The following ANKHD1 variants were observed in gnomAD, a reference collection of about 807,000 sequenced individuals.
ANKHD1 encodes the protein ankyrin repeat and KH domain-containing protein 1.
ANKHD1 carries 31 observed loss-of-function variants against 230.5 expected under a neutral mutation model. That is an observed-to-expected ratio of 0.13 (90% CI 0.10 to 0.18). ANKHD1 has a LOEUF of 0.18. ANKHD1 is among the 10% of genes least tolerant of loss of function. The pLI is 1.00. For synonymous variants in ANKHD1, 1,074 were observed against 1,117.6 expected (o/e 0.96, Z 0.78); for missense variants, 2,256 against 3,071.3 (o/e 0.73, Z 6.27).
chr5:140,525,314 G>A (rs1182526368), intron 25 of ANKHD1, among the ~76,000 whole-genome samples: 1 of 151,898 alleles, frequency 6.6e-6, no homozygotes, highest in Admixed American at 6.6e-5. Context: ...CCAGGCTGGA[G>A]TGCAGTGGTG....
intron 14 of ANKHD1, 65 bp from the exon 15 acceptor site, chr5:140,496,455 T>TC: frequency 8.9e-7 from 1 of 1,121,202 alleles, no homozygotes; most frequent in East Asian, 3.5e-5. Context: ...TTTTTTTTTT[T>TC]CTTTTCTTTT....
intron 1 of ANKHD1, among the ~76,000 whole-genome samples, chr5:140,415,962 G>A (rs984979401): frequency 4.0e-5 from 6 of 151,690 alleles, no homozygotes; most frequent in African/African-American, 1.2e-4. Context: ...GACAGGCCCC[G>A]GTGTGTGATG....
At chr5:140,427,094 C>T (rs539342292) in intron 1 of ANKHD1, among the ~76,000 whole-genome samples, 28 of 151,788 alleles carry the variant, frequency 1.8e-4, no homozygotes, top group Admixed American at 1.2e-3. Context: ...TAGGGGCAGC[C>T]GGGCAGAGGC....
In ANKHD1 at chr5:140,539,448, T is replaced by G. The variant is rs1561846384; in HGVS notation, c.*30T>G. On this transcript the variant is annotated 3_prime_UTR_variant, in exon 34 of 34. Transcript: ENST00000360839. ...GAAGGTCTTTACTCTTTAGCCTTGT[T>G]TAAGAAACCTATGACCTTGGAAGAA... 6.2e-7 allele frequency: 1 copy of G among 1,604,488 alleles called. No individual in the cohort carries two copies. Among genetic ancestry groups the G allele is most frequent in the African/African-American group, 1.3e-5 (1 of 74,500 alleles).
intron 10 of ANKHD1, among the ~76,000 whole-genome samples, chr5:140,481,492 T>A (rs1751272747): frequency 6.6e-6 from 1 of 152,072 alleles, no homozygotes; most frequent in Admixed American, 6.5e-5. Context: ...GATTTTTTTT[T>A]AAACCTATTT....
chr5:140,487,089 TG>T lies in ANKHD1; in HGVS notation c.2245+32del, dbSNP rs1206448706. 17 of 1,596,544 alleles carry T rather than the reference TG, an allele frequency of 1.1e-5. No individual in the cohort carries two copies. The Admixed American group carries it at 3.0e-4, about 28-fold the overall frequency. ...AGTTATTGAATTATTTTTCTTAAAATGGGTATTTTTTCACCTAATTGATAAA... is the reference window on the plus strand; with the variant it reads ...AGTTATTGAATTATTTTTCTTAAAATGGTATTTTTTCACCTAATTGATAAA... On this transcript the variant is annotated intron_variant, in intron 14 of 33. Coordinates refer to ENST00000360839, the MANE Select transcript of ANKHD1 (RefSeq NM_017747.3).
Position 140,483,450 on chromosome 5 carries a change from A to T in ANKHD1, c.1870+783A>T, listed in dbSNP as rs984510197. 5.6e-4 allele frequency among the ~76,000 whole-genome samples: 72 copies of T among 128,478 alleles called. 1 individual carries two copies. The East Asian group carries it at 9.7e-3, about 17-fold the overall frequency. The allele number at this position is 128,478 out of a possible 152,430, so 84.3% of individuals were successfully genotyped here. ...CATTAAAAATGCAGGGTAAGATTTT[A>T]TCTTTTTTTTTTTTTTTTTTTTTTG... is the stretch of plus-strand genomic sequence containing the variant. On this transcript the variant is annotated intron_variant, in intron 11 of 33. Transcript: ENST00000360839.
chr5:140,482,798 A>G, intron 11 of ANKHD1, 131 bp downstream of exon 11: 3 of 949,448 alleles, frequency 3.2e-6, no homozygotes, highest in Middle Eastern at 2.3e-4. Flanking sequence ...TTGTTATTAT[A>G]TTTTATTTAG....
At position 140,535,326 on chromosome 5, in the gene ANKHD1, T is replaced by G. The variant is rs780151910; in HGVS notation, c.6851-36T>G. 2.0e-6 allele frequency: 3 copies of G among 1,531,926 alleles called. No individual in the cohort carries two copies. In the Admixed American group the frequency reaches 6.8e-5, roughly 35 times the overall value. The allele number at this position is 1,531,926 out of a possible 1,614,324, so 94.9% of individuals were successfully genotyped here. A position where few individuals can be genotyped will look rare whatever the true frequency, so the allele number is the denominator to read the frequency against. On this transcript the variant is annotated intron_variant, in intron 29 of 33. Coordinates refer to ENST00000360839, the MANE Select transcript of ANKHD1 (RefSeq NM_017747.3). ...TCTTGGGCTTTCAATTTTAAAGTTT[T>G]AGCTAATTGGATGTCTTGGACCTGT...
intron 10 of ANKHD1, 92 bp downstream of exon 10, chr5:140,464,868 G>T (rs1322075691): frequency 1.5e-6 from 2 of 1,290,560 alleles, no homozygotes; most frequent in African/African-American, 1.5e-5. Flanking sequence ...AATGGTTTGC[G>T]TACTTTGTAT....
intron 10 of ANKHD1, among the ~76,000 whole-genome samples, chr5:140,470,273 T>C (rs1776393826): frequency 6.6e-6 from 1 of 152,078 alleles, no homozygotes; most frequent in Non-Finnish European, 1.5e-5. Flanking sequence ...TGAGAAACAG[T>C]GAATACTTTC....
chr5:140,478,456 CAATA>C (rs1468755725), intron 10 of ANKHD1, among the ~76,000 whole-genome samples: 1 of 149,680 alleles, frequency 6.7e-6, no homozygotes, highest in Non-Finnish European at 1.5e-5. Context: ...AAAATTCAAT[CAATA>C]AATGTGAATG....
chr5:140,405,220 A>T (rs1770335700), intron 1 of ANKHD1, among the ~76,000 whole-genome samples: 1 of 152,160 alleles, frequency 6.6e-6, no homozygotes, highest in African/African-American at 2.4e-5. Flanking sequence ...TTAAGAGTAC[A>T]TGTAGACCTC....
chr5:140,484,514 A>G (rs553879043), intron 11 of ANKHD1, among the ~76,000 whole-genome samples: 4 of 152,294 alleles, frequency 2.6e-5, no homozygotes, highest in Non-Finnish European at 5.9e-5. Context: ...GAAGAATTAT[A>G]TATCTCTTAA....
rs1172389951 is a variant in ANKHD1 at position 140,538,936 on chromosome 5, G to T, written c.7422G>T (p.Met2474Ile). ...VDFSKGLPIS[M>I]YGGTIIPSHP... The stretch of plus-strand genomic sequence containing the variant: ...TGTTTTAGGGTCTGCCAATTTCCAT[G>T]TATGGAGGCACCATAATACCCTCTC... The change falls in exon 33 of 34, where the codon ATG becomes ATT. Residue 2474 changes from methionine to isoleucine, a missense_variant. Physicochemically the swap from Met to Ile is conservative, Grantham distance 10. This residue lies in a region of ANKHD1 where 778 missense variants were observed against 966.5 expected (regional missense o/e 0.80). Coordinates refer to ENST00000360839, the MANE Select transcript of ANKHD1 (RefSeq NM_017747.3). 1 of 1,559,650 alleles carries T rather than the reference G, an allele frequency of 6.4e-7. No individual in the cohort carries two copies. Among genetic ancestry groups the T allele is most frequent in the Non-Finnish European group, 8.7e-7 (1 of 1,155,172 alleles).
intron 1 of ANKHD1, among the ~76,000 whole-genome samples, chr5:140,421,296 C>CT (rs35408466): frequency 0.015 from 1,441 of 94,342 alleles, 33 homozygotes; most frequent in African/African-American, 0.044. Context: ...AGAGTTTTTA[C>CT]TTTTTTTTTT....
chr5:140,418,073 C>T (rs1193681642), intron 1 of ANKHD1, among the ~76,000 whole-genome samples: 1 of 151,468 alleles, frequency 6.6e-6, no homozygotes, highest in African/African-American at 2.4e-5. Context: ...AACTCCCGAC[C>T]TCAGGCGATC....
At chr5:140,526,791 T>G in intron 26 of ANKHD1, 137 bp from the exon 27 acceptor site, 1 of 1,263,148 alleles carries the variant, frequency 7.9e-7, no homozygotes, top group Non-Finnish European at 1.0e-6. Flanking sequence ...ATTTCTGTTT[T>G]TCTGACTCAT....
chr5:140,449,357 G>A (rs1413037744), intron 7 of ANKHD1, 52 bp downstream of exon 7: 3 of 1,580,172 alleles, frequency 1.9e-6, no homozygotes, highest in Non-Finnish European at 2.6e-6. Context: ...AAGGTCGTAT[G>A]TGTTTAAGCC....
Sources: allele counts gnomAD v4.1 joint callset (sites outside exome capture counted in the v4.1 genomes callset), GRCh38; gene constraint gnomAD v4.1.1; regional missense constraint gnomAD v4.1.1; transcripts MANE v1.5; gene names NCBI Gene and HGNC (gene_info 2026-07-23, HGNC 2026-07-21).